Variants in PCDHGB3 observed in about 807,000 individuals in gnomAD.
PCDHGB3 encodes the protein protocadherin gamma-B3.
A neutral mutation model predicts 59.2 loss-of-function variants in PCDHGB3; 40 were observed. That is an observed-to-expected ratio of 0.68 (90% confidence interval 0.52 to 0.88). The LOEUF (loss-of-function observed/expected upper bound fraction) is 0.88. Ranked by LOEUF, PCDHGB3 falls within the 40% of genes least tolerant of loss-of-function variation. The pLI is 0.00. For missense variants in PCDHGB3, 1,309 were observed against 1,187.9 expected (o/e 1.10, Z -1.50); for synonymous variants, 581 against 503.6 (o/e 1.15, Z -2.06).
chr5:141,482,099 A>AG (rs1423781570), intron 1 of PCDHGB3, among the ~76,000 whole-genome samples: 1 of 151,852 alleles, frequency 6.6e-6, no homozygotes, highest in African/African-American at 2.4e-5. Flanking sequence ...CAAAAAAAAA[A>AG]AAAAAATATC....
intron 1 of PCDHGB3, chr5:141,374,135 A>C: frequency 6.2e-7 from 1 of 1,605,796 alleles, no homozygotes; most frequent in Non-Finnish European, 8.5e-7. Flanking sequence ...CCTGCTCCTC[A>C]CGCTCCTGGG....
At chr5:141,470,682 T>C (rs2099236741) in intron 1 of PCDHGB3, among the ~76,000 whole-genome samples, 1 of 152,138 alleles carries the variant, frequency 6.6e-6, no homozygotes, top group Non-Finnish European at 1.5e-5. Flanking sequence ...TGTTACCATC[T>C]TGAAATTCTT....
intron 1 of PCDHGB3, chr5:141,393,380 C>T (rs771237283): frequency 6.2e-7 from 1 of 1,613,988 alleles, no homozygotes; most frequent in South Asian, 1.1e-5. Context: ...ACAATGGAGC[C>T]ATAAACCCAG....
intron 1 of PCDHGB3, chr5:141,413,462 G>C (rs750915907): frequency 1.9e-6 from 3 of 1,614,120 alleles, no homozygotes; most frequent in Non-Finnish European, 2.5e-6. Flanking sequence ...AGGATAGACC[G>C]GGAGGAGCTC....
At position 141,403,513 on chromosome 5, in the gene PCDHGB3, T is replaced by G. The variant is rs754840157; in HGVS notation, c.2415+30704T>G. ...CCCTGAACGTGCAGACTGGAGACAATGGAGCCATAAACCCAGAGCTGGTGC... is the reference window on the plus strand; with the variant it reads ...CCCTGAACGTGCAGACTGGAGACAAGGGAGCCATAAACCCAGAGCTGGTGC... On this transcript the variant is annotated intron_variant, in intron 1 of 3. Coordinates refer to ENST00000576222, the MANE Select transcript of PCDHGB3 (RefSeq NM_018924.5). 8.1e-5 allele frequency: 131 copies of G among 1,613,832 alleles called. 1 individual carries two copies. In the African/African-American group the frequency reaches 1.2e-3, roughly 15 times the overall value.
At chr5:141,375,970 G>C in intron 1 of PCDHGB3, 2 of 1,613,334 alleles carry the variant, frequency 1.2e-6, no homozygotes, top group Non-Finnish European at 1.7e-6. Flanking sequence ...TGCGCACGGC[G>C]CGCGCCCTGC....
intron 1 of PCDHGB3, chr5:141,428,067 G>A (rs753358896): frequency 6.2e-7 from 1 of 1,609,228 alleles, no homozygotes; most frequent in South Asian, 1.1e-5. Flanking sequence ...GGTGGACGCA[G>A]ATTCGGGACA....
chr5:141,438,629 T>C (rs1162332421), intron 1 of PCDHGB3, among the ~76,000 whole-genome samples: 9 of 48,096 alleles, frequency 1.9e-4, no homozygotes, highest in Admixed American at 6.4e-4. Context: ...TATATATATA[T>C]ATATATACAC....
chr5:141,376,844 G>T (rs897403160), intron 1 of PCDHGB3: 2 of 241,996 alleles, frequency 8.3e-6, no homozygotes, highest in Non-Finnish European at 1.6e-5. Flanking sequence ...CCGCCACCGC[G>T]CCCGGCTAAT....
chr5:141,487,920 C>G lies in PCDHGB3; in HGVS notation c.2416-6887C>G, dbSNP rs561819225. On this transcript the variant is annotated intron_variant, in intron 1 of 3. Coordinates refer to ENST00000576222, the MANE Select transcript of PCDHGB3 (RefSeq NM_018924.5). This position sits in a 1 kb window ranked among gnomAD's most constrained non-coding sequence, Gnocchi z 5.0. ...TGGAATGTGGGAGCACAGGAGGCTA[C>G]AGTGCACAGGGTACAGTGCACCAGG... The G allele has an allele frequency of 4.7e-6, 3 of 644,662 alleles. No individual in the cohort carries two copies. The Admixed American group carries it at 8.5e-5, about 18-fold the overall frequency. 39.9% of individuals were successfully genotyped at this position (644,662 alleles called of 1,614,324 possible).
intron 1 of PCDHGB3, chr5:141,374,029 A>T (rs1460112886): frequency 7.0e-7 from 1 of 1,428,780 alleles, no homozygotes; most frequent in Non-Finnish European, 9.2e-7. Flanking sequence ...AGCAAAAGTG[A>T]TGCAGATCTG....
intron 1 of PCDHGB3, chr5:141,398,772 G>A: frequency 6.2e-7 from 1 of 1,613,910 alleles, no homozygotes; most frequent in South Asian, 1.1e-5. Flanking sequence ...TGACTGCCTT[G>A]GACGGTGGAC....
At chr5:141,430,947 G>T (rs1169662602) in intron 1 of PCDHGB3, 1 of 1,610,002 alleles carries the variant, frequency 6.2e-7, no homozygotes, top group Non-Finnish European at 8.5e-7. Flanking sequence ...GCGGAGCGCG[G>T]AGTCCGCATC....
intron 1 of PCDHGB3, chr5:141,478,046 C>A (rs762982394): frequency 3.7e-6 from 6 of 1,614,172 alleles, no homozygotes; most frequent in Non-Finnish European, 5.1e-6. Flanking sequence ...CAGGCAGACT[C>A]TCACGGTCTT....
intron 1 of PCDHGB3, among the ~76,000 whole-genome samples, chr5:141,437,490 A>C (rs549866784): frequency 6.6e-6 from 1 of 152,190 alleles, no homozygotes; most frequent in African/African-American, 2.4e-5. Flanking sequence ...AATCTCGTAG[A>C]TCACTTTTCA....
At chr5:141,422,289 T>G in intron 1 of PCDHGB3, 1 of 1,553,678 alleles carries the variant, frequency 6.4e-7, no homozygotes, top group African/African-American at 1.4e-5. Context: ...CCTCTTCTAT[T>G]AATTCAATTC....
chr5:141,467,284 C>T (rs2099140788), intron 1 of PCDHGB3, among the ~76,000 whole-genome samples: 1 of 152,080 alleles, frequency 6.6e-6, no homozygotes, highest in Non-Finnish European at 1.5e-5. Context: ...AACTCTTGAC[C>T]TCAAGTGATC....
chr5:141,466,669 C>T lies in PCDHGB3; in HGVS notation c.2416-28138C>T, dbSNP rs529252130. The stretch of plus-strand genomic sequence containing the variant: ...TTTCACAAAACATCAGTGATTTCAC[C>T]GTTCTTCCACTCAAGCTTCATCATA... On this transcript the variant is annotated intron_variant, in intron 1 of 3. Transcript: ENST00000576222. Among the ~76,000 whole-genome samples the T allele has an allele frequency of 8.5e-5, 13 of 152,278 alleles. No homozygotes were observed. The East Asian group carries it at 9.6e-4, about 11-fold the overall frequency.
chr5:141,398,568 G>C, intron 1 of PCDHGB3: 1 of 1,614,014 alleles, frequency 6.2e-7, no homozygotes, highest in African/African-American at 1.3e-5. Context: ...AGTCTGCACA[G>C]CCTGGCACAA....
Sources: allele counts gnomAD v4.1 joint callset (sites outside exome capture counted in the v4.1 genomes callset), GRCh38; gene constraint gnomAD v4.1.1; non-coding constraint Gnocchi (gnomAD v3.1); transcripts MANE v1.5; gene names NCBI Gene and HGNC (gene_info 2026-07-23, HGNC 2026-07-21).